CDH23: variants seen among roughly 807,000 people sequenced by gnomAD.
The protein encoded by CDH23 is cadherin related 23.
Under a neutral mutation model 317.1 loss-of-function variants are expected in CDH23, and 189 were observed. The observed-to-expected ratio is 0.60, with a 90% confidence interval of 0.53 to 0.67. The LOEUF is 0.67. CDH23 is among the 30% of genes least tolerant of loss of function. CDH23 has a pLI of 0.00. For synonymous variants in CDH23, 1,839 were observed against 1,876.8 expected (o/e 0.98, Z 0.52); for missense variants, 4,401 against 4,592.4 (o/e 0.96, Z 1.20).
chr10:71,634,303 G>A (rs10823807), intron 11 of CDH23, among the ~76,000 whole-genome samples: 75,019 of 151,780 alleles, frequency 0.49, 19,290 homozygotes, highest in Non-Finnish European at 0.59. Flanking sequence ...GGACAGGCCT[G>A]GGTGCACACA....
Position 71,690,602 on chromosome 10 carries a change from A to C in CDH23, c.2176+18A>C, listed in dbSNP as rs946896358. ...CCGCTCAGGTGAGCCCCCCCACCCC[A>C]AGTACCCTGGTCCTCCACACCCTGA... On this transcript the variant is annotated intron_variant, in intron 20 of 69. Coordinates refer to ENST00000224721, the MANE Select transcript of CDH23 (RefSeq NM_022124.6). 28 of 1,533,764 alleles carry C rather than the reference A, an allele frequency of 1.8e-5. No homozygotes were observed. Among genetic ancestry groups the C allele is most frequent in the Middle Eastern group, 1.7e-4 (1 of 5,934 alleles).
chr10:71,531,153 G>T (rs1278549835), intron 6 of CDH23, among the ~76,000 whole-genome samples: 1 of 152,220 alleles, frequency 6.6e-6, no homozygotes, highest in East Asian at 1.9e-4. Flanking sequence ...GCTGCCACGG[G>T]GTTGAACCCA....
At position 71,482,270 on chromosome 10, in the gene CDH23, C is replaced by A. The variant is rs1852108190; in HGVS notation, c.146-27812C>A. 1.3e-5 allele frequency among the ~76,000 whole-genome samples: 2 copies of A among 152,162 alleles called. 1 individual carries two copies. The highest frequency in any genetic ancestry group is 4.1e-4 in the South Asian group (2 of 4,824). ...TCTGTCTCTTTCCCTCCCCTTCTCT[C>A]CTTTCTCCCTTTGCATTTCTTTATT... is the stretch of plus-strand genomic sequence containing the variant. On this transcript the variant is annotated intron_variant, in intron 3 of 69. Coordinates refer to ENST00000224721, the MANE Select transcript of CDH23 (RefSeq NM_022124.6).
At chr10:71,769,718 A>G (rs1840644194) in intron 38 of CDH23, among the ~76,000 whole-genome samples, 3 of 152,198 alleles carry the variant, frequency 2.0e-5, no homozygotes, top group African/African-American at 7.2e-5. Context: ...CCAGGTCCCC[A>G]TGGGAAATAA....
chr10:71,532,711 GTTTTTTTTTTTTTTTGT>G (rs1855455649), intron 6 of CDH23, among the ~76,000 whole-genome samples: 4 of 128,098 alleles, frequency 3.1e-5, no homozygotes, highest in African/African-American at 5.7e-5. Flanking sequence ...TTTTGTTTTT[GTTTTTTTTTTTTTTTGT>G]TTTTTTTTTT....
chr10:71,595,121 A>G (rs144565823), intron 9 of CDH23, among the ~76,000 whole-genome samples: 1 of 152,194 alleles, frequency 6.6e-6, no homozygotes, highest in Non-Finnish European at 1.5e-5. Flanking sequence ...TCGATGAGGC[A>G]TTGCACAGCA....
intron 3 of CDH23, among the ~76,000 whole-genome samples, chr10:71,484,612 G>T (rs1259485203): frequency 6.6e-6 from 1 of 152,194 alleles, no homozygotes; most frequent in East Asian, 1.9e-4. Flanking sequence ...GCCATCTCCT[G>T]GTGGTGACCT....
At chr10:71,742,873 G>A (rs1199636868) in intron 38 of CDH23, among the ~76,000 whole-genome samples, 12 of 152,210 alleles carry the variant, frequency 7.9e-5, no homozygotes, top group Non-Finnish European at 1.8e-4. Context: ...TGGCTTAGCC[G>A]GGTGGTTCTT....
rs1564788851 is a variant in CDH23 at position 71,777,895 on chromosome 10, A to G, written c.5061A>G (p.Arg1687=). The change falls in exon 39 of 70, where the codon AGA becomes AGG. Residue 1687 remains arginine, a synonymous_variant. Coordinates refer to ENST00000224721, the MANE Select transcript of CDH23 (RefSeq NM_022124.6). ...TCGTCAACACCTTCCGCATCGACAG[A>G]CACATGGTCAGCAGCTGATGGCAGG... is the stretch of plus-strand genomic sequence containing the variant. The part of the protein sequence containing the change: ...GNIVNTFRID[R]HMGVITAAKE... The G allele has an allele frequency of 6.2e-7, 1 of 1,613,886 alleles. No homozygotes were observed. Among genetic ancestry groups the G allele is most frequent in the Admixed American group, 1.7e-5 (1 of 60,024 alleles).
Position 71,740,935 on chromosome 10 carries a change from T to A in CDH23, c.4602T>A (p.Asn1534Lys). The change falls in exon 37 of 70, where the codon AAT becomes AAA. Residue 1534 changes from asparagine (N) to lysine (K), a missense_variant. Coordinates refer to ENST00000224721, the MANE Select transcript of CDH23 (RefSeq NM_022124.6). The stretch of plus-strand genomic sequence containing the variant: ...TCATCGAGAGCCCCTTTGGATACAA[T>A]GTCAGTGTGAATGAGGTGAGGGCAG... ...PPVIESPFGY[N>K]VSVNENVGGG... 1 of 1,613,868 alleles carries A rather than the reference T, an allele frequency of 6.2e-7. No individual in the cohort carries two copies.
intron 6 of CDH23, among the ~76,000 whole-genome samples, chr10:71,517,562 G>GA (rs893409543): frequency 2.0e-5 from 3 of 151,540 alleles, no homozygotes; most frequent in African/African-American, 7.3e-5. Context: ...AGAAGCTGGG[G>GA]GGGAGATGCG....
chr10:71,596,378 C>T (rs895709185), intron 9 of CDH23, among the ~76,000 whole-genome samples: 2 of 152,156 alleles, frequency 1.3e-5, no homozygotes, highest in African/African-American at 4.8e-5. Flanking sequence ...AGGATTCGAA[C>T]CCAGGTCTGC....
intron 1 of CDH23, among the ~76,000 whole-genome samples, chr10:71,435,056 C>A (rs965312153): frequency 2.0e-5 from 3 of 152,186 alleles, no homozygotes; most frequent in African/African-American, 4.8e-5. Context: ...TCTGCAGGAC[C>A]CTCCCCTGGG....
intron 28 of CDH23, chr10:71,716,185 G>A (rs1866222226): frequency 5.8e-6 from 9 of 1,551,184 alleles, no homozygotes; most frequent in Non-Finnish European, 7.8e-6. Flanking sequence ...ACAGCAGACA[G>A]GTGGCCAGCA....
chr10:71,629,275 A>C (rs1478806303), intron 11 of CDH23, among the ~76,000 whole-genome samples: 1 of 152,256 alleles, frequency 6.6e-6, no homozygotes, highest in African/African-American at 2.4e-5. Flanking sequence ...CCACGGAGAA[A>C]AAGAAAGCCA....
intron 6 of CDH23, among the ~76,000 whole-genome samples, chr10:71,528,800 G>A (rs956333549): frequency 6.6e-6 from 1 of 152,158 alleles, no homozygotes; most frequent in Non-Finnish European, 1.5e-5. Context: ...TGCCAGGCTG[G>A]GCCTCCGCCC....
intron 22 of CDH23, 67 bp downstream of exon 22, chr10:71,695,592 C>G: frequency 1.8e-6 from 2 of 1,112,814 alleles, no homozygotes; most frequent in Non-Finnish European, 2.7e-6. Context: ...CCTCCCACTG[C>G]GATTCCAGGG....
At chr10:71,454,193 C>T (rs554401045) in intron 3 of CDH23, among the ~76,000 whole-genome samples, 1 of 152,298 alleles carries the variant, frequency 6.6e-6, no homozygotes, top group South Asian at 2.1e-4. Flanking sequence ...CCAGCTCTGC[C>T]TCTTACTAGC....
At chr10:71,737,120 G>T (rs960272298) in intron 34 of CDH23, among the ~76,000 whole-genome samples, 2 of 152,170 alleles carry the variant, frequency 1.3e-5, no homozygotes, top group African/African-American at 4.8e-5. Context: ...AGTGTGATAG[G>T]TATTGTTTTT....
Sources: allele counts gnomAD v4.1 joint callset (sites outside exome capture counted in the v4.1 genomes callset), GRCh38; gene constraint gnomAD v4.1.1; transcripts MANE v1.5; gene names NCBI Gene and HGNC (gene_info 2026-07-23, HGNC 2026-07-21).